CA10: variants seen among roughly 807,000 people sequenced by gnomAD.
The protein encoded by CA10 is carbonic anhydrase-related protein 10.
Under a neutral mutation model 44.2 loss-of-function variants are expected in CA10, and 14 were observed. The ratio of observed to expected loss-of-function variants is 0.32; its 90% CI spans 0.21 to 0.50. The LOEUF (loss-of-function observed/expected upper bound fraction) is 0.50, where lower values mean the gene tolerates loss of function less well. Among genes scored for constraint, CA10 ranks in the 20% least tolerant of loss-of-function variants. CA10 has a pLI of 0.99. For missense variants in CA10, 350 were observed against 409.7 expected (o/e 0.85, Z 1.26); for synonymous variants, 159 against 141.6 (o/e 1.12, Z -0.87).
chr17:51,997,514 G>T (rs1287617637), intron 2 of CA10, among the ~76,000 whole-genome samples: 1 of 152,080 alleles, frequency 6.6e-6, no homozygotes, highest in Non-Finnish European at 1.5e-5. Context: ...TGGTTTCCAA[G>T]AGTTTTGTCT....
intron 2 of CA10, among the ~76,000 whole-genome samples, chr17:52,057,436 CATTTT>C (rs1230372098): frequency 2.2e-5 from 3 of 134,494 alleles, no homozygotes; most frequent in East Asian, 3.6e-4. Context: ...TTCTTAATAA[CATTTT>C]ATTTTCTCTA....
intron 1 of CA10, among the ~76,000 whole-genome samples, chr17:52,121,927 A>G (rs1989024180): frequency 6.6e-6 from 1 of 152,194 alleles, no homozygotes; most frequent in Non-Finnish European, 1.5e-5. Context: ...CCTCTGGTGC[A>G]TCTCTCAGAA....
At chr17:51,875,301 G>C (rs1045396388) in intron 3 of CA10, among the ~76,000 whole-genome samples, 5 of 152,112 alleles carry the variant, frequency 3.3e-5, no homozygotes, top group Admixed American at 2.6e-4. Context: ...ATGAGGCACT[G>C]TGCCCAGCCT....
chr17:52,083,837 A>G (rs1416176963), intron 1 of CA10, among the ~76,000 whole-genome samples: 1 of 151,934 alleles, frequency 6.6e-6, no homozygotes, highest in African/African-American at 2.4e-5. Flanking sequence ...TGTTGATTCC[A>G]TATCTTTGCT....
chr17:51,895,205 G>A (rs147275184), intron 3 of CA10, among the ~76,000 whole-genome samples: 162 of 152,058 alleles, frequency 1.1e-3, no homozygotes, highest in African/African-American at 3.3e-3. Context: ...GTTAGTAAGT[G>A]GTAGAAATGG....
intron 2 of CA10, among the ~76,000 whole-genome samples, chr17:51,990,755 T>C (rs1258963386): frequency 6.6e-6 from 1 of 152,136 alleles, no homozygotes; most frequent in African/African-American, 2.4e-5. Flanking sequence ...TTGACTGCAA[T>C]AAAGTGGCTG....
intron 3 of CA10, among the ~76,000 whole-genome samples, chr17:51,789,289 T>G (rs1343750506): frequency 2.0e-5 from 3 of 152,200 alleles, no homozygotes; most frequent in African/African-American, 7.2e-5. Context: ...GTGCTGGGAT[T>G]ACAGGCGTGA....
intron 3 of CA10, among the ~76,000 whole-genome samples, chr17:51,823,500 C>T (rs1160352521): frequency 1.3e-5 from 2 of 152,232 alleles, no homozygotes; most frequent in African/African-American, 4.8e-5. Flanking sequence ...TTCTGCATAT[C>T]TGGGTTCTCC....
chr17:51,633,468 A>C lies in CA10; in HGVS notation c.964+8T>G, dbSNP rs1912680485. ...TAGATCCTCCACTCTCTGAGCCACC[A>C]AACCCACCTCTATACTGAAGCTTCT... is the stretch of plus-strand genomic sequence containing the variant. On this transcript the variant is annotated splice_region_variant and intron_variant, in intron 8 of 8. Coordinates refer to ENST00000451037, the MANE Select transcript of CA10 (RefSeq NM_020178.5). 1 of 1,610,194 alleles carries C rather than the reference A, an allele frequency of 6.2e-7. No individual in the cohort carries two copies. Among genetic ancestry groups the C allele is most frequent in the Non-Finnish European group, 8.5e-7 (1 of 1,177,596 alleles).
chr17:51,898,198 G>A (rs965338322), intron 3 of CA10, among the ~76,000 whole-genome samples: 1 of 152,016 alleles, frequency 6.6e-6, no homozygotes, highest in African/African-American at 2.4e-5. Flanking sequence ...TGTTGGCTGT[G>A]GGTTTGTCAT....
chr17:51,981,260 G>A (rs1159811698), intron 2 of CA10, among the ~76,000 whole-genome samples: 1 of 151,838 alleles, frequency 6.6e-6, no homozygotes, highest in African/African-American at 2.4e-5. Context: ...ACCCCAAACT[G>A]AAACACCCCA....
At chr17:51,970,729 T>G (rs1172694370) in intron 2 of CA10, among the ~76,000 whole-genome samples, 1 of 152,072 alleles carries the variant, frequency 6.6e-6, no homozygotes, top group East Asian at 1.9e-4. Flanking sequence ...ATCCTGAAAA[T>G]ATTGTGTTTT....
At chr17:51,945,967 A>T (rs1038443672) in intron 2 of CA10, among the ~76,000 whole-genome samples, 10 of 152,168 alleles carry the variant, frequency 6.6e-5, no homozygotes, top group Non-Finnish European at 1.5e-4. Flanking sequence ...CTATGACCAA[A>T]CCATCCTAAA....
intron 5 of CA10, among the ~76,000 whole-genome samples, chr17:51,651,426 T>C (rs985212951): frequency 1.3e-5 from 2 of 152,176 alleles, no homozygotes; most frequent in Admixed American, 1.3e-4. Flanking sequence ...TGTTGTGGCT[T>C]ATTTTGAGAT....
chr17:51,770,602 TG>T (rs1036446405), intron 3 of CA10, among the ~76,000 whole-genome samples: 43 of 152,306 alleles, frequency 2.8e-4, no homozygotes, highest in African/African-American at 9.4e-4. Context: ...GTTCTTGCAT[TG>T]CTATACACAA....
intron 4 of CA10, among the ~76,000 whole-genome samples, chr17:51,706,571 A>G (rs969050741): frequency 2.6e-5 from 4 of 152,216 alleles, no homozygotes; most frequent in African/African-American, 7.2e-5. Context: ...TTTGCCCCCT[A>G]TGGTCTTCTC....
intron 1 of CA10, among the ~76,000 whole-genome samples, chr17:52,151,169 G>T (rs8066895): frequency 0.045 from 6,894 of 152,038 alleles, 400 homozygotes; most frequent in Middle Eastern, 0.14. Context: ...ATAAATAAAA[G>T]GTAAGGTCTA....
At chr17:51,903,073 C>T (rs188536872) in intron 3 of CA10, among the ~76,000 whole-genome samples, 138 of 152,246 alleles carry the variant, frequency 9.1e-4, no homozygotes, top group African/African-American at 3.0e-3. Flanking sequence ...GATATTTATC[C>T]TCAAGGATTA....
At chr17:52,090,501 A>G (rs996858207) in intron 1 of CA10, among the ~76,000 whole-genome samples, 12 of 152,188 alleles carry the variant, frequency 7.9e-5, no homozygotes, top group Non-Finnish European at 1.6e-4. Context: ...CAAAATCTAC[A>G]GCAAAGAAGT....
Sources: gnomAD v4.1 joint callset for allele counts (sites outside exome capture counted in the v4.1 genomes callset) on GRCh38, gnomAD v4.1.1 for gene constraint, MANE v1.5 for transcripts, NCBI Gene and HGNC (gene_info 2026-07-23, HGNC 2026-07-21) for gene names.